C3orf20: variants seen among roughly 807,000 people sequenced by gnomAD.
C3orf20 encodes uncharacterized protein C3orf20.
In C3orf20, 76 loss-of-function variants were observed where a neutral mutation model predicts 88.3. The ratio of observed to expected loss-of-function variants is 0.86; its 90% CI spans 0.72 to 1.04. The LOEUF (loss-of-function observed/expected upper bound fraction) is 1.04, where lower values mean the gene tolerates loss of function less well. Among genes scored for constraint, C3orf20 ranks in the 50% least tolerant of loss-of-function variants. The probability of loss-of-function intolerance (pLI) is 0.00; values close to 1 mark genes in which losing one functional copy is unlikely to be tolerated. For synonymous variants in C3orf20, 436 were observed against 437.4 expected, an observed-to-expected ratio of 1.00 and a Z score of 0.04; for missense variants, 1,056 against 1,123.3, an observed-to-expected ratio of 0.94 and a Z score of 0.86.
At chr3:14,730,391 G>C (rs918891085) in intron 12 of C3orf20, among the ~76,000 whole-genome samples, 2 of 151,890 alleles carry the variant, frequency 1.3e-5, no homozygotes, top group Non-Finnish European at 2.9e-5. Context: ...ACTAAAAATA[G>C]AAAAAATTAG....
At chr3:14,704,234 G>C (rs927846323) in intron 6 of C3orf20, 103 bp from the exon 7 acceptor site, 1 of 1,211,268 alleles carries the variant, frequency 8.3e-7, no homozygotes, top group Non-Finnish European at 1.2e-6. Context: ...TGGGGACAGG[G>C]GAATGGGATA....
intron 7 of C3orf20, among the ~76,000 whole-genome samples, chr3:14,706,726 G>A (rs1408283134): frequency 6.6e-6 from 1 of 151,894 alleles, no homozygotes; most frequent in African/African-American, 2.4e-5. Context: ...CTTGATCTCT[G>A]TGCCTCACTT....
chr3:14,699,509 G>T (rs976697218), intron 5 of C3orf20, among the ~76,000 whole-genome samples: 1 of 152,246 alleles, frequency 6.6e-6, no homozygotes, highest in African/African-American at 2.4e-5. Flanking sequence ...TCAAGGCAGT[G>T]GGTTCCCTTC....
At chr3:14,732,684 A>C (rs2034576808) in intron 12 of C3orf20, among the ~76,000 whole-genome samples, 2 of 152,180 alleles carry the variant, frequency 1.3e-5, no homozygotes, top group East Asian at 3.8e-4. Context: ...GATGCTGCTA[A>C]ACATCCAGCA....
At chr3:14,690,296 G>A (rs2124906107) in intron 5 of C3orf20, among the ~76,000 whole-genome samples, 180 bp downstream of exon 5, 1 of 152,302 alleles carries the variant, frequency 6.6e-6, no homozygotes, top group African/African-American at 2.4e-5. Context: ...TCATGGAAAG[G>A]TTGTCACAGT....
intron 15 of C3orf20, among the ~76,000 whole-genome samples, chr3:14,767,943 T>C (rs1009406469): frequency 2.6e-5 from 4 of 152,200 alleles, no homozygotes; most frequent in African/African-American, 9.7e-5. Flanking sequence ...GTATAAACCG[T>C]CAAGGGCTCT....
Position 14,728,654 on chromosome 3 carries a change from A to C in C3orf20, c.1906A>C (p.Thr636Pro). ...TCCTGTGAGCCCAGTTCGGAAGACC[A>C]CCAAAATCCACACCAAAGCCAAGGT... ...SAPVSPVRKT[T>P]KIHTKAKVTS... The change falls in exon 12 of 17, where the codon ACC becomes CCC. Residue 636 changes from threonine (T) to proline (P), a missense_variant. By Grantham distance (38) the Thr-to-Pro change is conservative (BLOSUM62 -1). Transcript: ENST00000253697. The C allele has an allele frequency of 6.2e-7, 1 of 1,613,982 alleles. No individual in the cohort carries two copies. Among genetic ancestry groups the C allele is most frequent in the Non-Finnish European group, 8.5e-7 (1 of 1,180,036 alleles).
chr3:14,770,038 C>T (rs34367447), intron 15 of C3orf20, among the ~76,000 whole-genome samples: 20,706 of 152,144 alleles, frequency 0.14, 2,119 homozygotes, highest in African/African-American at 0.29. Context: ...GCTGGGACCT[C>T]CTCCACATCC....
intron 15 of C3orf20, among the ~76,000 whole-genome samples, chr3:14,771,537 A>G (rs572967969): frequency 3.3e-5 from 5 of 152,356 alleles, no homozygotes; most frequent in African/African-American, 1.2e-4. Context: ...CAGTCCTCAC[A>G]TGGCATTCTC....
chr3:14,754,667 G>A (rs1214526784), intron 12 of C3orf20, among the ~76,000 whole-genome samples: 1 of 152,078 alleles, frequency 6.6e-6, no homozygotes. Context: ...CAAAATTAGA[G>A]TAACCACCAT....
At chr3:14,730,742 G>A (rs535896002) in intron 12 of C3orf20, among the ~76,000 whole-genome samples, 7 of 152,252 alleles carry the variant, frequency 4.6e-5, no homozygotes, top group African/African-American at 7.2e-5. Flanking sequence ...CGCCATGGTC[G>A]TTTTACGTTC....
chr3:14,721,077 T>C (rs1346725379), intron 9 of C3orf20, among the ~76,000 whole-genome samples: 1 of 152,212 alleles, frequency 6.6e-6, no homozygotes, highest in Non-Finnish European at 1.5e-5. Context: ...TAGCTGCCCC[T>C]TTTCCACCCA....
chr3:14,734,141 C>T (rs2034628457), intron 12 of C3orf20, among the ~76,000 whole-genome samples: 2 of 152,056 alleles, frequency 1.3e-5, no homozygotes, highest in Admixed American at 1.3e-4. Context: ...ATTAGTGTTT[C>T]CAAAGAACCA....
At chr3:14,767,572 G>A (rs2035749693) in intron 15 of C3orf20, 1 of 152,254 alleles carries the variant, frequency 6.6e-6, no homozygotes, top group Admixed American at 6.5e-5. Flanking sequence ...CACCTGTGAT[G>A]ACAAAGTGTT....
At chr3:14,712,163 C>T (rs561059347) in intron 7 of C3orf20, among the ~76,000 whole-genome samples, 4 of 103,890 alleles carry the variant, frequency 3.9e-5, no homozygotes, top group Admixed American at 1.1e-4. Flanking sequence ...GACACACACA[C>T]GCACACACAC....
chr3:14,696,425 T>C (rs1341655855), intron 5 of C3orf20, among the ~76,000 whole-genome samples: 1 of 149,806 alleles, frequency 6.7e-6, no homozygotes, highest in Middle Eastern at 3.2e-3. Context: ...GGAGTCACGC[T>C]CTGTCACTCA....
intron 7 of C3orf20, among the ~76,000 whole-genome samples, chr3:14,706,324 A>G (rs970020350): frequency 8.6e-5 from 13 of 151,848 alleles, no homozygotes; most frequent in Non-Finnish European, 2.9e-5. Context: ...GCTGCTTGCA[A>G]TGGGTTGTGT....
chr3:14,757,656 T>A lies in C3orf20; in HGVS notation c.2226T>A (p.Arg742=). 1 of 1,609,828 alleles carries A rather than the reference T, an allele frequency of 6.2e-7. No individual in the cohort carries two copies. Among genetic ancestry groups the A allele is most frequent in the Non-Finnish European group, 8.5e-7 (1 of 1,176,980 alleles). ...NTLYNHQQRG[R]GSPCIQCRYD... is the part of the protein sequence containing the mutation. ...TCTACAACCACCAGCAGCGGGGCCG[T>A]GGCTCCCCCTGCATCCAGGTTGGTC... is the stretch of plus-strand genomic sequence containing the variant. The change falls in exon 13 of 17, where the codon CGT becomes CGA. Residue 742 remains arginine, a synonymous_variant. Transcript: ENST00000253697.
In C3orf20 at chr3:14,772,079, T is replaced by C. The variant is rs1323351486; in HGVS notation, c.2508T>C (p.Ser836=). The change falls in exon 16 of 17, where the codon TCT becomes TCC. Residue 836 remains serine (S), a synonymous_variant. Coordinates refer to ENST00000253697, the MANE Select transcript of C3orf20 (RefSeq NM_032137.5). The surrounding 1 kb of genome is among the most constrained non-coding windows in gnomAD (Gnocchi z 4.2). ...PDDYKFSVPN[S]VLSLEDSESV... is the part of the protein sequence containing the mutation. ...GCCTCCCCTGCAGTGTTCCCAACTC[T>C]GTCCTGAGCCTGGAGGATTCTGAAT... 1 of 1,614,172 alleles carries C rather than the reference T, an allele frequency of 6.2e-7. No homozygotes were observed. Among genetic ancestry groups the C allele is most frequent in the African/African-American group, 1.3e-5 (1 of 75,060 alleles).
Sources: gnomAD v4.1 joint callset for allele counts (sites outside exome capture counted in the v4.1 genomes callset) on GRCh38, gnomAD v4.1.1 for gene constraint, Gnocchi (gnomAD v3.1) non-coding constraint, MANE v1.5 for transcripts, NCBI Gene and HGNC (gene_info 2026-07-23, HGNC 2026-07-21) for gene names.